Variants in B4GALT1 observed in about 807,000 individuals in gnomAD.
The protein encoded by B4GALT1 is beta-1,4-galactosyltransferase 1.
A neutral mutation model predicts 34.9 loss-of-function variants in B4GALT1; 16 were observed. The ratio of observed to expected loss-of-function variants is 0.46; its 90% CI spans 0.31 to 0.70. The LOEUF (loss-of-function observed/expected upper bound fraction) is 0.70, where lower values mean the gene tolerates loss of function less well. Among genes scored for constraint, B4GALT1 ranks in the 30% least tolerant of loss-of-function variants. The pLI is 0.05. For synonymous variants in B4GALT1, 221 were observed against 218.1 expected (o/e 1.01, Z -0.12); for missense variants, 445 against 530.5 (o/e 0.84, Z 1.58).
upstream of B4GALT1, among the ~76,000 whole-genome samples, chr9:33,169,547 T>G (rs991975309): frequency 6.7e-6 from 1 of 148,242 alleles, no homozygotes; most frequent in African/African-American, 2.5e-5. Context: ...TGAGACAAAG[T>G]CTTGCTTTTG....
intron 2 of B4GALT1, among the ~76,000 whole-genome samples, chr9:33,126,638 T>C (rs1253509595): frequency 3.3e-5 from 5 of 152,254 alleles, no homozygotes; most frequent in South Asian, 2.1e-4. Context: ...ATTGTTAACA[T>C]TGTTAACTAT....
In B4GALT1 at chr9:33,166,840, G is replaced by T. The variant is rs1352160077; in HGVS notation, c.330C>A (p.Pro110=). ...CTGGGACCGAGGTCAAGTTGCTAGC[G>T]GGGCCAGGGCCAGAATCCACGACTG... The part of the protein sequence containing the change: ...SSPVVDSGPG[P]ASNLTSVPVP... Residue 110 remains proline (P), a synonymous_variant, in exon 1 of 6, where the codon CCC becomes CCA. Coordinates refer to ENST00000379731, the MANE Select transcript of B4GALT1 (RefSeq NM_001497.4). 1.9e-6 allele frequency: 3 copies of T among 1,557,000 alleles called. No homozygotes were observed. In the South Asian group the frequency reaches 3.6e-5, roughly 18 times the overall value.
At chr9:33,157,670 A>G (rs562051042) in intron 1 of B4GALT1, among the ~76,000 whole-genome samples, 17 of 152,282 alleles carry the variant, frequency 1.1e-4, no homozygotes, top group African/African-American at 4.1e-4. Flanking sequence ...TACAATGGTA[A>G]GTAGAATTTT....
chr9:33,126,757 C>A (rs1477537631), intron 2 of B4GALT1, among the ~76,000 whole-genome samples: 1 of 151,958 alleles, frequency 6.6e-6, no homozygotes, highest in East Asian at 1.9e-4. Flanking sequence ...GGGTTAGGGA[C>A]CAGGCTATGG....
chr9:33,162,593 AC>A (rs1840690343), intron 1 of B4GALT1, among the ~76,000 whole-genome samples: 1 of 152,198 alleles, frequency 6.6e-6, no homozygotes, highest in Non-Finnish European at 1.5e-5. Flanking sequence ...ATATCAGGTC[AC>A]CCCTGAACCT....
intron 3 of B4GALT1, among the ~76,000 whole-genome samples, chr9:33,118,170 CG>C (rs1442365477): frequency 6.6e-6 from 1 of 152,010 alleles, no homozygotes; most frequent in Non-Finnish European, 1.5e-5. Context: ...AAAGCGGGGA[CG>C]GAAGGGTATA....
At chr9:33,157,063 T>TACACAC (rs371027641) in intron 1 of B4GALT1, among the ~76,000 whole-genome samples, 1,584 of 87,274 alleles carry the variant, frequency 0.018, 117 homozygotes, top group African/African-American at 0.051. Context: ...CATAGGGAAC[T>TACACAC]ACACACACAC....
At chr9:33,117,608 C>T (rs1395172042) in intron 3 of B4GALT1, among the ~76,000 whole-genome samples, 2 of 152,200 alleles carry the variant, frequency 1.3e-5, no homozygotes, top group African/African-American at 2.4e-5. Flanking sequence ...CTAACTCAGA[C>T]TTTGAGGGGG....
chr9:33,140,598 C>G (rs1325344612), intron 1 of B4GALT1, among the ~76,000 whole-genome samples: 2 of 152,212 alleles, frequency 1.3e-5, no homozygotes, highest in Non-Finnish European at 2.9e-5. Flanking sequence ...TTTGGGAACA[C>G]GTGGAACTAG....
At chr9:33,126,954 TTTTTG>T (rs1288894376) in intron 2 of B4GALT1, among the ~76,000 whole-genome samples, 3 of 149,974 alleles carry the variant, frequency 2.0e-5, no homozygotes, top group East Asian at 3.9e-4. Flanking sequence ...TTTGTTTGTT[TTTTTG>T]TTTTGTTTGT....
At chr9:33,177,809 C>G in the B4GALT1 span, among the ~76,000 whole-genome samples, 10 of 152,122 alleles carry the variant, frequency 6.6e-5, no homozygotes, top group Non-Finnish European at 1.2e-4. Context: ...AATGACCTTA[C>G]TCACATGGCT....
chr9:33,126,176 C>T (rs1225036157), intron 2 of B4GALT1, among the ~76,000 whole-genome samples: 1 of 152,180 alleles, frequency 6.6e-6, no homozygotes, highest in Non-Finnish European at 1.5e-5. Flanking sequence ...CCTCTGTATG[C>T]TTTTCTGTGC....
intron 2 of B4GALT1, among the ~76,000 whole-genome samples, chr9:33,127,151 G>A (rs538834435): frequency 9.9e-5 from 15 of 152,202 alleles, no homozygotes; most frequent in African/African-American, 3.4e-4. Context: ...TTTTAGTAGA[G>A]ACGGGGTTTC....
At chr9:33,166,394 C>G (rs1007281890) in intron 1 of B4GALT1, among the ~76,000 whole-genome samples, 1 of 152,142 alleles carries the variant, frequency 6.6e-6, no homozygotes, top group Non-Finnish European at 1.5e-5. Flanking sequence ...ACTCGAGGTC[C>G]CTACCAGAGT....
chr9:33,138,851 T>A (rs1233667021), intron 1 of B4GALT1, among the ~76,000 whole-genome samples: 1 of 152,010 alleles, frequency 6.6e-6, no homozygotes, highest in East Asian at 1.9e-4. Flanking sequence ...CTTCTCAGGA[T>A]TCCCTCAGCA....
chr9:33,173,891 TG>T, the B4GALT1 span, among the ~76,000 whole-genome samples: 2 of 152,084 alleles, frequency 1.3e-5, no homozygotes, highest in Non-Finnish European at 2.9e-5. Flanking sequence ...TGGCCAAATA[TG>T]GAAAAATTTG....
At chr9:33,141,463 G>A (rs952522416) in intron 1 of B4GALT1, among the ~76,000 whole-genome samples, 2 of 152,180 alleles carry the variant, frequency 1.3e-5, no homozygotes, top group Admixed American at 1.3e-4. Context: ...GTTGCAGTGA[G>A]CCGAAATCAC....
At chr9:33,137,037 G>A (rs1369443483) in intron 1 of B4GALT1, among the ~76,000 whole-genome samples, 3 of 152,150 alleles carry the variant, frequency 2.0e-5, no homozygotes, top group African/African-American at 7.2e-5. Context: ...CTCCGTAGCT[G>A]ACCCAGGTCC....
intron 5 of B4GALT1, 47 bp from the exon 6 acceptor site, chr9:33,113,633 A>C: frequency 1.2e-6 from 2 of 1,613,602 alleles, no homozygotes; most frequent in Non-Finnish European, 1.7e-6. Flanking sequence ...CAAAAATCTT[A>C]AGAAGAAATC....
Sources: allele counts gnomAD v4.1 joint callset (sites outside exome capture counted in the v4.1 genomes callset), GRCh38; gene constraint gnomAD v4.1.1; transcripts MANE v1.5; gene names NCBI Gene and HGNC (gene_info 2026-07-23, HGNC 2026-07-21).